Variants in SOX13 observed in about 807,000 individuals in gnomAD.
The protein encoded by SOX13 is SRY-box transcription factor 13, also known as transcription factor SOX-13.
Under a neutral mutation model 71.8 loss-of-function variants are expected in SOX13, and 28 were observed. That is an observed-to-expected ratio of 0.39 (90% CI 0.29 to 0.53). The LOEUF (loss-of-function observed/expected upper bound fraction) is 0.53, where lower values mean the gene tolerates loss of function less well. Among genes scored for constraint, SOX13 ranks in the 20% least tolerant of loss-of-function variants. The probability of loss-of-function intolerance (pLI) is 0.70; values close to 1 mark genes in which losing one functional copy is unlikely to be tolerated. For missense variants in SOX13, 627 were observed against 810.3 expected (o/e 0.77, Z 2.75); for synonymous variants, 309 against 317.8 (o/e 0.97, Z 0.29).
intron 1 of SOX13, chr1:204,074,222 G>C (rs1411056584): frequency 6.6e-6 from 1 of 152,180 alleles, no homozygotes; most frequent in South Asian, 2.1e-4. Flanking sequence ...TGCGTGGGGT[G>C]CTGGGGGACA....
At chr1:204,094,701 A>C (rs913754206) in intron 1 of SOX13, among the ~76,000 whole-genome samples, 1 of 152,138 alleles carries the variant, frequency 6.6e-6, no homozygotes, top group Non-Finnish European at 1.5e-5. Context: ...CTGCACTCTT[A>C]ATCACACCGT....
At chr1:204,122,690 G>A in intron 9 of SOX13, 164 bp from the exon 10 acceptor site, 1 of 616,040 alleles carries the variant, frequency 1.6e-6, no homozygotes, top group South Asian at 2.0e-5. Flanking sequence ...GCATATCCCT[G>A]AGGACATGCA....
chr1:204,116,023 C>T (rs1010703555), intron 4 of SOX13: 2 of 434,950 alleles, frequency 4.6e-6, no homozygotes, highest in African/African-American at 2.1e-5. Context: ...ATTATGCCCA[C>T]TTACCAAGAT....
chr1:204,075,170 T>A (rs369612857), intron 1 of SOX13, among the ~76,000 whole-genome samples: 429 of 152,294 alleles, frequency 2.8e-3, no homozygotes, highest in African/African-American at 9.8e-3. Flanking sequence ...GGAGGCAAGC[T>A]CGGTTCCAGC....
At chr1:204,124,967 C>A in intron 13 of SOX13, 110 bp downstream of exon 13, 1 of 778,620 alleles carries the variant, frequency 1.3e-6, no homozygotes, top group Non-Finnish European at 2.2e-6. Flanking sequence ...CCCAGGGGTG[C>A]TGTGTGTATG....
intron 1 of SOX13, among the ~76,000 whole-genome samples, chr1:204,102,808 A>T (rs1250629482): frequency 6.6e-6 from 1 of 152,030 alleles, no homozygotes; most frequent in Non-Finnish European, 1.5e-5. Flanking sequence ...CATTTTAGAG[A>T]TAGAGAAACT....
intron 12 of SOX13, 90 bp from the exon 13 acceptor site, chr1:204,124,551 G>A (rs943605230): frequency 2.1e-4 from 224 of 1,080,636 alleles, no homozygotes; most frequent in East Asian, 2.1e-4. Context: ...GGACCCACCT[G>A]GGGATCAAGG....
intron 1 of SOX13, among the ~76,000 whole-genome samples, chr1:204,097,639 C>T (rs546598751): frequency 4.1e-5 from 6 of 145,822 alleles, no homozygotes; most frequent in African/African-American, 1.0e-4. Context: ...TGCAGTGAGC[C>T]GAGATTGCGC....
intron 1 of SOX13, among the ~76,000 whole-genome samples, chr1:204,102,816 A>G (rs1212933767): frequency 6.6e-6 from 1 of 152,094 alleles, no homozygotes. Context: ...AGATAGAGAA[A>G]CTGAAACTTC....
intron 1 of SOX13, among the ~76,000 whole-genome samples, chr1:204,111,354 AG>A (rs767323239): frequency 2.6e-5 from 4 of 152,316 alleles, no homozygotes; most frequent in South Asian, 4.1e-4. Context: ...TCAGTAGCTG[AG>A]GCAGGACCCA....
chr1:204,103,836 C>T (rs1474674000), intron 1 of SOX13, among the ~76,000 whole-genome samples: 2 of 152,152 alleles, frequency 1.3e-5, no homozygotes, highest in Non-Finnish European at 2.9e-5. Context: ...GCAGGAAGGC[C>T]TCCAGAGAAG....
chr1:204,104,187 C>A (rs1401490641), intron 1 of SOX13, among the ~76,000 whole-genome samples: 1 of 152,148 alleles, frequency 6.6e-6, no homozygotes, highest in Non-Finnish European at 1.5e-5. Flanking sequence ...CAGCCTCTGT[C>A]TGATGTTGGC....
chr1:204,123,954 G>A lies in SOX13; in HGVS notation c.1375+150G>A. On this transcript the variant is annotated intron_variant, in intron 12 of 13. Coordinates refer to ENST00000367204, the MANE Select transcript of SOX13 (RefSeq NM_005686.3). The surrounding 1 kb of genome is among the most constrained non-coding windows in gnomAD (Gnocchi z 5.0). ...GGTGCAGGAGTTGCTGGGGATGTGA[G>A]GGCAGCTGGGTCCTGGGGTCTTATA... The A allele has an allele frequency of 1.2e-6, 1 of 854,402 alleles. No individual in the cohort carries two copies. The highest frequency in any genetic ancestry group is 1.8e-6 in the Non-Finnish European group (1 of 555,428). The allele number at this position is 854,402 out of a possible 1,614,324, so 52.9% of individuals were successfully genotyped here. A position where few individuals can be genotyped will look rare whatever the true frequency, so the allele number is the denominator to read the frequency against.
chr1:204,090,909 G>C (rs899176342), intron 1 of SOX13, among the ~76,000 whole-genome samples: 1 of 152,148 alleles, frequency 6.6e-6, no homozygotes, highest in African/African-American at 2.4e-5. Flanking sequence ...CTGTGGGGTG[G>C]GAAGGGATGG....
At chr1:204,082,805 A>T (rs1655936346) in intron 1 of SOX13, among the ~76,000 whole-genome samples, 2 of 152,202 alleles carry the variant, frequency 1.3e-5, no homozygotes, top group Non-Finnish European at 2.9e-5. Flanking sequence ...GGTGGGTAGC[A>T]AGAGGGCTTT....
At chr1:204,122,156 G>T in intron 8 of SOX13, 81 bp from the exon 9 acceptor site, 2 of 1,266,900 alleles carry the variant, frequency 1.6e-6, no homozygotes, top group Non-Finnish European at 1.1e-6. Context: ...TTCTGGGTAT[G>T]CTCACCTCAC....
intron 8 of SOX13, 122 bp downstream of exon 8, chr1:204,122,107 C>T (rs1656819872): frequency 6.7e-6 from 7 of 1,041,562 alleles, no homozygotes; most frequent in Middle Eastern, 2.1e-4. Flanking sequence ...TGTTCACCCG[C>T]TCCTTCTGCG....
intron 1 of SOX13, among the ~76,000 whole-genome samples, chr1:204,108,348 A>G (rs2102248679): frequency 6.6e-6 from 1 of 152,322 alleles, no homozygotes; most frequent in East Asian, 1.9e-4. Context: ...TGGCTGCATT[A>G]TAAGTGCTTA....
At position 204,085,028 on chromosome 1, in the gene SOX13, G is replaced by A. The variant is rs555700994; in HGVS notation, c.-2+11317G>A. 4.6e-5 allele frequency among the ~76,000 whole-genome samples: 7 copies of A among 152,324 alleles called. No homozygotes were observed. The South Asian group carries it at 1.2e-3, about 27-fold the overall frequency. ...GGAAGAAAGACGTGGTGAATGTCAG[G>A]AGTGATGGAAGCTAAGATGAGACTT... On this transcript the variant is annotated intron_variant, in intron 1 of 13. Coordinates refer to ENST00000367204, the MANE Select transcript of SOX13 (RefSeq NM_005686.3).
Sources: allele counts gnomAD v4.1 joint callset (sites outside exome capture counted in the v4.1 genomes callset), GRCh38; gene constraint gnomAD v4.1.1; non-coding constraint Gnocchi (gnomAD v3.1); transcripts MANE v1.5; gene names NCBI Gene and HGNC (gene_info 2026-07-23, HGNC 2026-07-21).